BMPER: variants seen among roughly 807,000 people sequenced by gnomAD.
The protein encoded by BMPER is BMP-binding endothelial regulator protein.
A neutral mutation model predicts 87.3 loss-of-function variants in BMPER; 45 were observed. The observed-to-expected ratio is 0.52, with a 90% CI of 0.41 to 0.66. BMPER has a LOEUF of 0.66. BMPER is among the 30% of genes least tolerant of loss of function. The pLI, the probability that BMPER is intolerant of heterozygous loss-of-function variation, is 0.00. For synonymous variants in BMPER, 326 were observed against 316.2 expected (o/e 1.03, Z -0.33); for missense variants, 784 against 867.5 (o/e 0.90, Z 1.21).
chr7:33,905,796 C>T (rs1290391169), intron 1 of BMPER, 50 bp downstream of exon 1: 3 of 1,441,040 alleles, frequency 2.1e-6, no homozygotes, highest in Non-Finnish European at 2.8e-6. Context: ...CGGTTTGGTA[C>T]CTGGGAAAGG....
At chr7:34,081,573 C>A (rs1789049920) in intron 12 of BMPER, among the ~76,000 whole-genome samples, 1 of 152,226 alleles carries the variant, frequency 6.6e-6, no homozygotes, top group Admixed American at 6.5e-5. Flanking sequence ...CTCGAGAGAG[C>A]ATTGTCCACT....
chr7:33,920,725 A>G (rs1784209983), intron 2 of BMPER, among the ~76,000 whole-genome samples: 1 of 152,112 alleles, frequency 6.6e-6, no homozygotes, highest in Non-Finnish European at 1.5e-5. Flanking sequence ...GCACCTGGCC[A>G]GAAAGCTCCA....
chr7:34,089,953 A>T (rs1361010554), intron 13 of BMPER, among the ~76,000 whole-genome samples: 2 of 152,000 alleles, frequency 1.3e-5, no homozygotes, highest in East Asian at 1.9e-4. Context: ...TGTTTTGGGA[A>T]TTTTTTTTAA....
chr7:34,113,996 GCATTTATTGACA>G (rs1309553467), intron 13 of BMPER, among the ~76,000 whole-genome samples: 1 of 152,112 alleles, frequency 6.6e-6, no homozygotes, highest in African/African-American at 2.4e-5. Flanking sequence ...CTTACTGACA[GCATTTATTGACA>G]CAATTGGTAT....
chr7:34,133,509 G>A (rs191297984), intron 13 of BMPER, among the ~76,000 whole-genome samples: 115 of 152,240 alleles, frequency 7.6e-4, no homozygotes, highest in African/African-American at 2.7e-3. Context: ...TGTATCCTTG[G>A]TAACAGCCTT....
At chr7:33,922,131 A>G in intron 2 of BMPER, 2 of 246,610 alleles carry the variant, frequency 8.1e-6, no homozygotes, top group Non-Finnish European at 1.7e-5. Flanking sequence ...TCTGATTCCC[A>G]TCACCTTCAC....
chr7:33,908,801 T>C (rs1364496915), intron 2 of BMPER, among the ~76,000 whole-genome samples: 1 of 152,210 alleles, frequency 6.6e-6, no homozygotes, highest in Non-Finnish European at 1.5e-5. Context: ...CTCAGTGATA[T>C]GTTATCATGA....
At chr7:34,002,939 A>T (rs1786622678) in intron 6 of BMPER, among the ~76,000 whole-genome samples, 1 of 151,084 alleles carries the variant, frequency 6.6e-6, no homozygotes, top group African/African-American at 2.4e-5. Flanking sequence ...ATATAGTTTT[A>T]TCCTGCTTTA....
chr7:33,921,556 A>C (rs1297454828), intron 2 of BMPER, among the ~76,000 whole-genome samples: 1 of 152,142 alleles, frequency 6.6e-6, no homozygotes, highest in Non-Finnish European at 1.5e-5. Context: ...AGACCCAGCA[A>C]ATAGCTTCCC....
chr7:33,913,861 C>T (rs1784023430), intron 2 of BMPER, among the ~76,000 whole-genome samples: 1 of 152,156 alleles, frequency 6.6e-6, no homozygotes, highest in South Asian at 2.1e-4. Context: ...CTCTTACTCT[C>T]AGTGACACCC....
At chr7:33,934,991 G>A (rs971483036) in intron 2 of BMPER, among the ~76,000 whole-genome samples, 3 of 152,162 alleles carry the variant, frequency 2.0e-5, no homozygotes, top group Non-Finnish European at 4.4e-5. Flanking sequence ...ACAATACCAA[G>A]CAGCATACAT....
intron 2 of BMPER, among the ~76,000 whole-genome samples, chr7:33,911,142 GCAAT>G (rs2128601592): frequency 6.6e-6 from 1 of 152,336 alleles, no homozygotes; most frequent in African/African-American, 2.4e-5. Context: ...CACTAAGGAA[GCAAT>G]CAGATTTATT....
intron 6 of BMPER, among the ~76,000 whole-genome samples, chr7:33,999,789 A>T (rs932113272): frequency 6.6e-6 from 1 of 152,194 alleles, no homozygotes; most frequent in Non-Finnish European, 1.5e-5. Flanking sequence ...GGCTTAAAGG[A>T]GGGCAGGGAG....
intron 6 of BMPER, among the ~76,000 whole-genome samples, chr7:34,028,283 A>G (rs998385926): frequency 4.6e-5 from 7 of 151,872 alleles, no homozygotes; most frequent in African/African-American, 1.7e-4. Context: ...CTTCTCACTA[A>G]TTTTTTTTGT....
At chr7:34,138,319 C>G (rs1180909117) in intron 13 of BMPER, among the ~76,000 whole-genome samples, 1 of 152,140 alleles carries the variant, frequency 6.6e-6, no homozygotes, top group East Asian at 1.9e-4. Context: ...GATCCCACTA[C>G]CGTGCCGAGT....
intron 11 of BMPER, among the ~76,000 whole-genome samples, chr7:34,072,895 G>C (rs1788772962): frequency 1.3e-5 from 2 of 152,124 alleles, no homozygotes; most frequent in African/African-American, 4.8e-5. Flanking sequence ...CCATGAATTT[G>C]GATTTCTCAG....
chr7:33,963,414 A>G (rs1785319732), intron 3 of BMPER, among the ~76,000 whole-genome samples: 1 of 152,176 alleles, frequency 6.6e-6, no homozygotes, highest in Non-Finnish European at 1.5e-5. Flanking sequence ...AGTTGGGCTT[A>G]TATTTTGTCT....
At chr7:33,972,680 C>G (rs1028589549) in intron 5 of BMPER, among the ~76,000 whole-genome samples, 9 of 152,096 alleles carry the variant, frequency 5.9e-5, no homozygotes, top group African/African-American at 1.9e-4. Flanking sequence ...CCACACACAC[C>G]GCGAGAATTG....
chr7:34,151,508 C>T (rs908656928), intron 14 of BMPER, among the ~76,000 whole-genome samples: 7 of 152,194 alleles, frequency 4.6e-5, no homozygotes, highest in African/African-American at 1.7e-4. Context: ...TTTGAGAAGG[C>T]ACCTCAGAAA....
Sources: gnomAD v4.1 joint callset for allele counts (sites outside exome capture counted in the v4.1 genomes callset) on GRCh38, gnomAD v4.1.1 for gene constraint, MANE v1.5 for transcripts, NCBI Gene and HGNC (gene_info 2026-07-23, HGNC 2026-07-21) for gene names.